SLC24A2: variants seen among roughly 807,000 people sequenced by gnomAD.
SLC24A2 encodes the protein sodium/potassium/calcium exchanger 2.
In SLC24A2, 36 loss-of-function variants were observed where a neutral mutation model predicts 62.0. The observed-to-expected ratio is 0.58, with a 90% confidence interval of 0.44 to 0.77. The LOEUF (loss-of-function observed/expected upper bound fraction) is 0.77. SLC24A2 is among the 30% of genes least tolerant of loss of function. SLC24A2 has a pLI of 0.00. For synonymous variants in SLC24A2, 358 were observed against 294.0 expected, an observed-to-expected ratio of 1.22 and a Z score of -2.23; for missense variants, 846 against 817.9, an observed-to-expected ratio of 1.03 and a Z score of -0.42.
At chr9:20,265,318 G>C in the SLC24A2 span, among the ~76,000 whole-genome samples, 30 of 152,300 alleles carry the variant, frequency 2.0e-4, no homozygotes, top group Non-Finnish European at 3.1e-4. Context: ...TAGTCGCCGA[G>C]TTGTTGCGGG....
intron 2 of SLC24A2, among the ~76,000 whole-genome samples, chr9:19,696,804 T>A (rs977243260): frequency 6.6e-6 from 1 of 152,188 alleles, no homozygotes; most frequent in Non-Finnish European, 1.5e-5. Flanking sequence ...AAAATTAAAA[T>A]GTATGGGCTT....
chr9:20,248,395 A>G, the SLC24A2 span, among the ~76,000 whole-genome samples: 1 of 152,330 alleles, frequency 6.6e-6, no homozygotes, highest in East Asian at 1.9e-4. Flanking sequence ...AGCAACAGAA[A>G]TTTCTCACAG....
At chr9:20,051,657 C>CTTTTTTTTTTCTTTTT in the SLC24A2 span, among the ~76,000 whole-genome samples, 1 of 73,512 alleles carries the variant, frequency 1.4e-5, no homozygotes, top group African/African-American at 6.1e-5. Context: ...TTTTCTTTCT[C>CTTTTTTTTTTCTTTTT]TTTTTTTTTT....
chr9:19,633,154 A>G (rs1322085338), intron 2 of SLC24A2, among the ~76,000 whole-genome samples: 1 of 152,150 alleles, frequency 6.6e-6, no homozygotes, highest in African/African-American at 2.4e-5. Context: ...CTTTTTATTT[A>G]GTAATATTTC....
chr9:20,231,089 C>G, the SLC24A2 span, among the ~76,000 whole-genome samples: 1 of 152,084 alleles, frequency 6.6e-6, no homozygotes, highest in African/African-American at 2.4e-5. Context: ...TTCCATTGGT[C>G]TATATCTCTG....
chr9:20,138,053 C>G, the SLC24A2 span, among the ~76,000 whole-genome samples: 1 of 152,146 alleles, frequency 6.6e-6, no homozygotes, highest in Non-Finnish European at 1.5e-5. Flanking sequence ...TACATGTGGT[C>G]ATTGCCCAGG....
chr9:20,264,519 G>C, the SLC24A2 span, among the ~76,000 whole-genome samples: 15 of 152,198 alleles, frequency 9.9e-5, no homozygotes, highest in Non-Finnish European at 2.2e-4. Context: ...AGCATGACAA[G>C]AGGTGGAGGT....
chr9:19,585,796 A>T (rs548266450), intron 5 of SLC24A2, among the ~76,000 whole-genome samples: 1 of 152,316 alleles, frequency 6.6e-6, no homozygotes, highest in Non-Finnish European at 1.5e-5. Flanking sequence ...GTAAATGACA[A>T]ATCCAATGCT....
the SLC24A2 span, among the ~76,000 whole-genome samples, chr9:20,275,408 T>C: frequency 8.5e-5 from 13 of 152,226 alleles, no homozygotes; most frequent in Non-Finnish European, 1.6e-4. Context: ...TGTGAAAATG[T>C]GTATAGATAC....
chr9:20,276,676 C>G, the SLC24A2 span, among the ~76,000 whole-genome samples: 1 of 152,250 alleles, frequency 6.6e-6, no homozygotes, highest in Admixed American at 6.5e-5. Context: ...CAGATGTTCT[C>G]CATGAGGGCT....
the SLC24A2 span, among the ~76,000 whole-genome samples, chr9:19,837,297 A>G: frequency 6.6e-6 from 1 of 150,550 alleles, no homozygotes; most frequent in South Asian, 2.1e-4. Flanking sequence ...CTAAAAATAC[A>G]AAAAATTAGC....
At chr9:20,282,738 C>T in the SLC24A2 span, among the ~76,000 whole-genome samples, 1 of 152,136 alleles carries the variant, frequency 6.6e-6, no homozygotes, top group Non-Finnish European at 1.5e-5. Flanking sequence ...CTTATAATAT[C>T]CTCACGAGTT....
chr9:19,872,592 A>G, the SLC24A2 span, among the ~76,000 whole-genome samples: 4 of 152,038 alleles, frequency 2.6e-5, no homozygotes, highest in African/African-American at 9.7e-5. Flanking sequence ...TTTGTTTGTG[A>G]TAACTCCCTG....
intron 4 of SLC24A2, among the ~76,000 whole-genome samples, chr9:19,611,933 G>T (rs887437752): frequency 2.0e-5 from 3 of 152,042 alleles, no homozygotes; most frequent in African/African-American, 4.8e-5. Context: ...GATGAGAGGT[G>T]GGGGGAACAG....
the SLC24A2 span, among the ~76,000 whole-genome samples, chr9:19,878,124 C>T: frequency 1.3e-5 from 2 of 152,118 alleles, no homozygotes; most frequent in African/African-American, 4.8e-5. Context: ...ACCTACTGCT[C>T]TTACTTTTTT....
At chr9:20,206,881 T>TTG in the SLC24A2 span, among the ~76,000 whole-genome samples, 4 of 148,412 alleles carry the variant, frequency 2.7e-5, no homozygotes, top group Middle Eastern at 3.2e-3. Context: ...AAAACTAAGT[T>TTG]GGGGGGGGCG....
chr9:19,767,489 G>C (rs1004317636), intron 2 of SLC24A2, among the ~76,000 whole-genome samples: 1 of 152,186 alleles, frequency 6.6e-6, no homozygotes, highest in African/African-American at 2.4e-5. Context: ...GAAAAGGGTC[G>C]TATCTGGGCC....
At chr9:19,978,596 T>C in the SLC24A2 span, among the ~76,000 whole-genome samples, 1 of 152,122 alleles carries the variant, frequency 6.6e-6, no homozygotes, top group Non-Finnish European at 1.5e-5. Flanking sequence ...AGGGTATTTT[T>C]TTTTTCTTCA....
At chr9:19,801,064 G>A in the SLC24A2 span, among the ~76,000 whole-genome samples, 1 of 152,210 alleles carries the variant, frequency 6.6e-6, no homozygotes, top group South Asian at 2.1e-4. Flanking sequence ...TGCTCCCAGA[G>A]CTCCCAAGAT....
Sources: gnomAD v4.1 joint callset for allele counts (sites outside exome capture counted in the v4.1 genomes callset) on GRCh38, gnomAD v4.1.1 for gene constraint, MANE v1.5 for transcripts, NCBI Gene and HGNC (gene_info 2026-07-23, HGNC 2026-07-21) for gene names.